MDM1: variants seen among roughly 807,000 people sequenced by gnomAD.
MDM1 encodes Mdm1 nuclear protein.
A neutral mutation model predicts 89.1 loss-of-function variants in MDM1; 61 were observed. The ratio of observed to expected loss-of-function variants is 0.68; its 90% CI spans 0.56 to 0.85. The LOEUF (loss-of-function observed/expected upper bound fraction) is 0.85. Among genes scored for constraint, MDM1 ranks in the 40% least tolerant of loss-of-function variants. The pLI is 0.00. For synonymous variants in MDM1, 290 were observed against 294.1 expected (o/e 0.99, Z 0.14); for missense variants, 820 against 846.5 (o/e 0.97, Z 0.39).
At chr12:68,296,356 G>C (rs928365481) in intron 14 of MDM1, among the ~76,000 whole-genome samples, 2 of 152,134 alleles carry the variant, frequency 1.3e-5, no homozygotes, top group Admixed American at 6.5e-5. Context: ...AAATTAGCCG[G>C]GTGTGGTAGC....
At chr12:68,320,714 A>G (rs761031662) in intron 7 of MDM1, among the ~76,000 whole-genome samples, 111 of 152,250 alleles carry the variant, frequency 7.3e-4, no homozygotes, top group Admixed American at 1.6e-3. Flanking sequence ...GAAAAGGCAA[A>G]AAAAAGTCAA....
Position 68,295,317 on chromosome 12 carries a change from G to A in MDM1, c.2112C>T (p.Leu704=). ...EISARSAASS[L]RAFQTLARAK... ...CTCGTGCCAGAGTTTGAAAAGCCCG[G>A]AGACTAGAAGCTGCAGAGCGAGCAG... Residue 704 remains leucine (L), a synonymous_variant, in exon 15 of 15, where the codon CTC becomes CTT. Transcript: ENST00000682720. The A allele has an allele frequency of 1.2e-6, 2 of 1,613,296 alleles. No individual in the cohort carries two copies. The highest frequency in any genetic ancestry group is 1.3e-5 in the African/African-American group (1 of 75,014).
intron 12 of MDM1, 118 bp from the exon 13 acceptor site, chr12:68,302,990 A>C: frequency 2.9e-5 from 22 of 770,664 alleles, no homozygotes; most frequent in Admixed American, 3.2e-5. Flanking sequence ...ATATGAGAGA[A>C]TTTATGCAAC....
At chr12:68,317,721 T>C (rs1240200230) in intron 7 of MDM1, among the ~76,000 whole-genome samples, 1 of 152,252 alleles carries the variant, frequency 6.6e-6, no homozygotes, top group Non-Finnish European at 1.5e-5. Context: ...GCAGTGGTTT[T>C]TGCATTTAAC....
intron 10 of MDM1, among the ~76,000 whole-genome samples, chr12:68,314,369 A>G (rs1027014115): frequency 1.3e-5 from 2 of 152,208 alleles, no homozygotes; most frequent in African/African-American, 4.8e-5. Context: ...TAATGGGGAA[A>G]ATCACTGCCA....
In MDM1 at chr12:68,302,836, C is replaced by T. The variant is rs1280614842; in HGVS notation, c.1786G>A (p.Ala596Thr). The T allele has an allele frequency of 1.9e-6, 3 of 1,588,832 alleles. No homozygotes were observed. Among genetic ancestry groups the T allele is most frequent in the Non-Finnish European group, 2.6e-6 (3 of 1,169,282 alleles). Reference protein sequence around the residue: ...SRAVSLLTSPAAGIKTVDPLP... With the variant: ...SRAVSLLTSPTAGIKTVDPLP... The stretch of plus-strand genomic sequence containing the variant: ...GGATCAACTGTTTTTATACCAGCAG[C>T]TGGAGAAGTCAGTAGGGATACAGCA... Residue 596 changes from alanine (A) to threonine (T), a missense_variant, in exon 13 of 15, where the codon GCT (alanine) becomes ACT (threonine). By Grantham distance (58) the Ala-to-Thr change is moderately conservative (BLOSUM62 0). Coordinates refer to ENST00000682720, the MANE Select transcript of MDM1 (RefSeq NM_001354969.2).
At position 68,298,982 on chromosome 12, in the gene MDM1, C is replaced by T. The variant is rs1295514536; in HGVS notation, c.2003-2000G>A. Among the ~76,000 whole-genome samples the T allele has an allele frequency of 2.0e-5, 3 of 152,118 alleles. No individual in the cohort carries two copies. In the East Asian group the frequency reaches 5.8e-4, roughly 29 times the overall value. On this transcript the variant is annotated intron_variant, in intron 13 of 14. Transcript: ENST00000682720. ...CTGAGTACACAGCTACTACAACCAG[C>T]AACTGAGGAAGCCATCATACAAAGA...
In MDM1 at chr12:68,321,444, T is replaced by C; in HGVS notation, c.908A>G (p.Lys303Arg). Residue 303 changes from lysine (K) to arginine (R), a missense_variant and splice_region_variant, in exon 7 of 15, where the codon AAG (lysine) becomes AGG (arginine). Transcript: ENST00000682720. ...LTPWKHQRLGKVNSEYRAKFL... is the reference protein window; with the variant it reads ...LTPWKHQRLGRVNSEYRAKFL... ...TTTTGCTCTATATTCGGAATTCACC[T>C]TCCTAATAGAAATGAAATGAAAGTA... is the stretch of plus-strand genomic sequence containing the variant. 2.5e-6 allele frequency: 4 copies of C among 1,612,850 alleles called. No homozygotes were observed. Among genetic ancestry groups the C allele is most frequent in the Non-Finnish European group, 3.4e-6 (4 of 1,179,382 alleles).
chr12:68,318,971 T>C (rs1380688419), intron 7 of MDM1, among the ~76,000 whole-genome samples: 2 of 152,218 alleles, frequency 1.3e-5, no homozygotes, highest in Non-Finnish European at 2.9e-5. Flanking sequence ...CTTTACAATG[T>C]CTGTCAAATT....
intron 7 of MDM1, among the ~76,000 whole-genome samples, chr12:68,319,958 G>A (rs1177457563): frequency 6.6e-6 from 1 of 152,194 alleles, no homozygotes; most frequent in Non-Finnish European, 1.5e-5. Context: ...ACTCATCTTA[G>A]TTTAAAGAAA....
chr12:68,298,941 C>A (rs772684457), intron 13 of MDM1, among the ~76,000 whole-genome samples: 4 of 150,806 alleles, frequency 2.7e-5, no homozygotes, highest in Non-Finnish European at 4.4e-5. Context: ...CAGGAGACAG[C>A]GAACTTGCCG....
At chr12:68,314,081 G>C (rs1054077489) in intron 10 of MDM1, among the ~76,000 whole-genome samples, 6 of 149,048 alleles carry the variant, frequency 4.0e-5, no homozygotes, top group Non-Finnish European at 8.9e-5. Flanking sequence ...AGCTTGCAGT[G>C]AGCCGATATC....
chr12:68,326,713 C>A lies in MDM1; in HGVS notation c.442G>T (p.Glu148Ter). 6.2e-7 allele frequency: 1 copy of A among 1,614,164 alleles called. No homozygotes were observed. Among genetic ancestry groups the A allele is most frequent in the Non-Finnish European group, 8.5e-7 (1 of 1,180,004 alleles). Residue 148 changes from glutamate (E) to a stop codon, truncating the protein, a stop_gained, in exon 3 of 15, where the codon GAA becomes TAA. Coordinates refer to ENST00000682720, the MANE Select transcript of MDM1 (RefSeq NM_001354969.2). LOFTEE classifies it high-confidence loss of function. Reference protein sequence around the residue: ...EGVTNHTPVNENVELEHSTKV... With the variant: ...EGVTNHTPVN ...GTAGAATGTTCCAGTTCCACATTTT[C>A]ATTAACTGGTGTATGGTTTGTTACA...
rs1019779951 is a variant in MDM1, at chr12:68,321,435, G to C, written c.917C>G (p.Ser306Cys). 5.0e-6 allele frequency: 8 copies of C among 1,613,460 alleles called. No individual in the cohort carries two copies. The South Asian group carries it at 8.8e-5, about 18-fold the overall frequency. ...WKHQRLGKVN[S>C]EYRAKFLSPA... ...GCTCAGAAATTTTGCTCTATATTCG[G>C]AATTCACCTTCCTAATAGAAATGAA... The change falls in exon 7 of 15, where the codon TCC becomes TGC. Residue 306 changes from serine to cysteine, a missense_variant. Physicochemically the swap from Ser to Cys is moderately radical, Grantham distance 112. Transcript: ENST00000682720.
intron 14 of MDM1, among the ~76,000 whole-genome samples, chr12:68,296,069 A>G (rs547217867): frequency 1.3e-5 from 2 of 152,364 alleles, no homozygotes; most frequent in African/African-American, 4.8e-5. Context: ...AGAGTATGAA[A>G]TTTAAATTTA....
rs140831279 is a variant in MDM1, at chr12:68,316,086, A to G, written c.1203T>C (p.Asp401=). ...CACAAAGAATATCTCACCCAGCAAG[A>G]TCTAATGCTCTGATGTTGCTACTAA... ...GTVSSNIRAL[D]LAGDPTSHKT... is the part of the protein sequence containing the mutation. The change falls in exon 9 of 15, where the codon GAT becomes GAC. Residue 401 remains aspartate, a synonymous_variant. Coordinates refer to ENST00000682720, the MANE Select transcript of MDM1 (RefSeq NM_001354969.2). The G allele has an allele frequency of 5.0e-5, 81 of 1,608,218 alleles. No individual in the cohort carries two copies. In the African/African-American group the frequency reaches 8.8e-4, roughly 18 times the overall value.
intron 14 of MDM1, among the ~76,000 whole-genome samples, chr12:68,296,303 T>C (rs112299649): frequency 6.6e-6 from 1 of 152,028 alleles, no homozygotes; most frequent in Non-Finnish European, 1.5e-5. Flanking sequence ...TTTGAGACCA[T>C]CCTGGCCAAC....
At chr12:68,329,149 G>A (rs897029669) in intron 2 of MDM1, among the ~76,000 whole-genome samples, 1 of 152,170 alleles carries the variant, frequency 6.6e-6, no homozygotes, top group South Asian at 2.1e-4. Flanking sequence ...TCTAATGGAG[G>A]TTCAAATATG....
At chr12:68,297,126 T>G (rs1334451696) in intron 13 of MDM1, 144 bp from the exon 14 acceptor site, 1 of 448,448 alleles carries the variant, frequency 2.2e-6, no homozygotes, top group Non-Finnish European at 3.8e-6. Flanking sequence ...GTTTAAGAAA[T>G]GAAAAAGATT....
Sources: gnomAD v4.1 joint callset for allele counts (sites outside exome capture counted in the v4.1 genomes callset) on GRCh38, gnomAD v4.1.1 for gene constraint, MANE v1.5 for transcripts, NCBI Gene and HGNC (gene_info 2026-07-23, HGNC 2026-07-21) for gene names.